Variants in ITIH2 observed in about 807,000 individuals in gnomAD.
ITIH2 encodes inter-alpha-trypsin inhibitor heavy chain H2.
Under a neutral mutation model 104.4 loss-of-function variants are expected in ITIH2, and 103 were observed. The observed-to-expected ratio is 0.99, with a 90% CI of 0.84 to 1.16. The LOEUF is 1.16. Ranked by LOEUF, ITIH2 falls within the 50% of genes most tolerant of loss-of-function variation. The pLI is 0.00. For synonymous variants in ITIH2, 436 were observed against 435.4 expected (o/e 1.00, Z -0.02); for missense variants, 1,108 against 1,162.4 (o/e 0.95, Z 0.68).
At chr10:7,703,670 G>A in intron 1 of ITIH2, 152 bp downstream of exon 1, 1 of 603,816 alleles carries the variant, frequency 1.7e-6, no homozygotes, top group Non-Finnish European at 3.0e-6. Context: ...TATAATTACT[G>A]GAATGTATAT....
intron 15 of ITIH2, 45 bp downstream of exon 15, chr10:7,735,136 G>T: frequency 6.5e-7 from 1 of 1,546,582 alleles, no homozygotes; most frequent in Non-Finnish European, 8.7e-7. Flanking sequence ...CAGCTCTCTT[G>T]CCCCGGGGGT....
At chr10:7,740,351 T>C (rs762076906) in intron 16 of ITIH2, among the ~76,000 whole-genome samples, 10 of 152,178 alleles carry the variant, frequency 6.6e-5, no homozygotes, top group South Asian at 6.2e-4. Context: ...CCCAGCTCCA[T>C]AGGGAGTCCC....
intron 8 of ITIH2, among the ~76,000 whole-genome samples, chr10:7,722,958 A>AGTGGAGTGGAGTGGAGTGAAGTGGC (rs753984745): frequency 5.1e-5 from 7 of 136,370 alleles, no homozygotes; most frequent in African/African-American, 1.8e-4. Flanking sequence ...AGTGATGTGG[A>AGTGGAGTGGAGTGGAGTGAAGTGGC]GTGGAGTGGA....
Position 7,710,833 on chromosome 10 carries a change from T to C in ITIH2, c.362+1642T>C, listed in dbSNP as rs533823782. ...TATTATATGACCCCATGTCTAGAAA[T>C]GACATTGAAAACTATTTTAATAAAT... is the stretch of plus-strand genomic sequence containing the variant. On this transcript the variant is annotated intron_variant, in intron 4 of 20. Transcript: ENST00000358415. Among the ~76,000 whole-genome samples, 41 of 152,240 alleles carry C rather than the reference T, an allele frequency of 2.7e-4. No homozygotes were observed. The South Asian group carries it at 8.5e-3, about 32-fold the overall frequency.
At chr10:7,731,345 T>TA (rs1835001122) in intron 12 of ITIH2, among the ~76,000 whole-genome samples, 1 of 152,252 alleles carries the variant, frequency 6.6e-6, no homozygotes, top group Non-Finnish European at 1.5e-5. Context: ...TCTCTGTTTT[T>TA]AATCTGATAA....
chr10:7,705,478 G>A (rs180991085), intron 2 of ITIH2, among the ~76,000 whole-genome samples: 57 of 152,166 alleles, frequency 3.7e-4, no homozygotes, highest in Admixed American at 3.7e-3. Context: ...GGCCAAGGAG[G>A]GAGGATCACT....
intron 19 of ITIH2, among the ~76,000 whole-genome samples, chr10:7,746,236 G>A (rs964079003): frequency 4.0e-5 from 6 of 151,316 alleles, no homozygotes; most frequent in Admixed American, 6.6e-5. Context: ...TTAGCCAGGC[G>A]TAGTGGCTCA....
rs143285045 is a variant in ITIH2, at chr10:7,741,468, G to A, written c.2096-1678G>A. Among the ~76,000 whole-genome samples the A allele has an allele frequency of 3.9e-3, 601 of 152,228 alleles. 7 individuals carry two copies. Among genetic ancestry groups the A allele is most frequent in the African/African-American group, 0.014 (570 of 41,552 alleles). Reference sequence around the variant, plus strand: ...GCTGGGATTACAGGCGTGAGCCACCGCACCTGGCCTGTTCTGTGTTTTTAC... The same window carrying A: ...GCTGGGATTACAGGCGTGAGCCACCACACCTGGCCTGTTCTGTGTTTTTAC... On this transcript the variant is annotated intron_variant, in intron 16 of 20. Transcript: ENST00000358415.
chr10:7,737,446 T>TAA (rs1554766648), intron 15 of ITIH2, among the ~76,000 whole-genome samples: 7 of 141,674 alleles, frequency 4.9e-5, no homozygotes, highest in African/African-American at 5.2e-5. Context: ...TATATATATA[T>TAA]AACAGATAAC....
intron 3 of ITIH2, among the ~76,000 whole-genome samples, chr10:7,708,740 T>C (rs1200261497): frequency 1.3e-5 from 2 of 152,140 alleles, no homozygotes; most frequent in African/African-American, 2.4e-5. Flanking sequence ...TTTCTACTTG[T>C]ATTCTAATTT....
chr10:7,734,074 A>C (rs1835028747), intron 14 of ITIH2, among the ~76,000 whole-genome samples: 1 of 152,156 alleles, frequency 6.6e-6, no homozygotes, highest in South Asian at 2.1e-4. Context: ...ATACGTGAGT[A>C]GGTGGAGCAC....
Position 7,746,689 on chromosome 10 carries a change from A to C in ITIH2, c.2678A>C (p.Lys893Thr), listed in dbSNP as rs1463440276. The C allele has an allele frequency of 1.9e-6, 3 of 1,611,716 alleles. No individual in the cohort carries two copies. The African/African-American group carries it at 4.0e-5, about 22-fold the overall frequency. ...GCCAGCATGGAAGTGAAGGGGCAGA[A>C]GCTGATCATCACCAGGTAGGCCTCG... ...PEASMEVKGQ[K>T]LIITRGLQKD... The change falls in exon 20 of 21, where the codon AAG becomes ACG. Residue 893 changes from lysine (K) to threonine (T), a missense_variant. By Grantham distance (78) the Lys-to-Thr change is moderately conservative. Transcript: ENST00000358415.
Position 7,746,510 on chromosome 10 carries a change from A to G in ITIH2, c.2582-83A>G, listed in dbSNP as rs938441359. 2.0e-5 allele frequency: 18 copies of G among 893,370 alleles called. No homozygotes were observed. The African/African-American group carries it at 2.8e-4, about 14-fold the overall frequency. The allele number at this position is 893,370 out of a possible 1,614,324, so 55.3% of individuals were successfully genotyped here. On this transcript the variant is annotated intron_variant, in intron 19 of 20. Coordinates refer to ENST00000358415, the MANE Select transcript of ITIH2 (RefSeq NM_002216.3). Reference sequence around the variant, plus strand: ...CCTAGAAATCCTGGAGGGAGGACCGAAAGGTAGCATGGAGTCAATAATGAG... The same window carrying G: ...CCTAGAAATCCTGGAGGGAGGACCGGAAGGTAGCATGGAGTCAATAATGAG...
In ITIH2 at chr10:7,746,693, G is replaced by A; in HGVS notation, c.2682G>A (p.Leu894=). The A allele has an allele frequency of 6.2e-7, 1 of 1,610,328 alleles. No homozygotes were observed. The highest frequency in any genetic ancestry group is 8.5e-7 in the Non-Finnish European group (1 of 1,176,718). Residue 894 remains leucine (L), a synonymous_variant, in exon 20 of 21, where the codon CTG becomes CTA. Coordinates refer to ENST00000358415, the MANE Select transcript of ITIH2 (RefSeq NM_002216.3). ...GCATGGAAGTGAAGGGGCAGAAGCTGATCATCACCAGGTAGGCCTCGGGCG... is the reference window on the plus strand; with the variant it reads ...GCATGGAAGTGAAGGGGCAGAAGCTAATCATCACCAGGTAGGCCTCGGGCG... ...EASMEVKGQK[L]IITRGLQKDY... is the part of the protein sequence containing the mutation.
rs1835039622 is a variant in ITIH2, at chr10:7,735,004, C to G, written c.1870C>G (p.Pro624Ala). ...GTCTCTAGACCACCACATTGTGACTCCGCTGACCTCGCTGGTGATCGAGAA... is the reference window on the plus strand; with the variant it reads ...GTCTCTAGACCACCACATTGTGACTGCGCTGACCTCGCTGGTGATCGAGAA... ...QMSLDHHIVT[P>A]LTSLVIENEA... is the part of the protein sequence containing the mutation. The change falls in exon 15 of 21, where the codon CCG becomes GCG. Residue 624 changes from proline to alanine, a missense_variant. Pro to Ala is a conservative substitution (Grantham distance 27, BLOSUM62 -1). Transcript: ENST00000358415. The G allele has an allele frequency of 2.4e-5, 38 of 1,613,868 alleles. No homozygotes were observed. Among genetic ancestry groups the G allele is most frequent in the Non-Finnish European group, 3.2e-5 (38 of 1,180,024 alleles).
At chr10:7,722,369 G>T (rs1834912564) in intron 8 of ITIH2, among the ~76,000 whole-genome samples, 1 of 152,146 alleles carries the variant, frequency 6.6e-6, no homozygotes, top group Admixed American at 6.5e-5. Flanking sequence ...CAGCCAAAGG[G>T]CAGAGGAAAG....
chr10:7,714,273 G>A (rs929216347), intron 5 of ITIH2, among the ~76,000 whole-genome samples: 1 of 146,076 alleles, frequency 6.8e-6, no homozygotes, highest in East Asian at 2.1e-4. Context: ...CCGGGTTCAC[G>A]CCATTCTCCT....
chr10:7,720,477 T>C lies in ITIH2; in HGVS notation c.631-379T>C, dbSNP rs181404375. Among the ~76,000 whole-genome samples the C allele has an allele frequency of 6.6e-5, 10 of 152,246 alleles. No individual in the cohort carries two copies. The East Asian group carries it at 1.9e-3, about 29-fold the overall frequency. ...ACAACCCAAGATTTGGGGAAAATGG[T>C]CTACTTTTGACAGGTCTACAGAGTA... On this transcript the variant is annotated intron_variant, in intron 6 of 20. Transcript: ENST00000358415.
At chr10:7,745,724 T>A (rs112920556) in intron 19 of ITIH2, among the ~76,000 whole-genome samples, 6 of 151,310 alleles carry the variant, frequency 4.0e-5, no homozygotes, top group Non-Finnish European at 7.4e-5. Flanking sequence ...CCAGCCTGGG[T>A]GACAGAGGGA....
Sources: gnomAD v4.1 joint callset for allele counts (sites outside exome capture counted in the v4.1 genomes callset) on GRCh38, gnomAD v4.1.1 for gene constraint, MANE v1.5 for transcripts, NCBI Gene and HGNC (gene_info 2026-07-23, HGNC 2026-07-21) for gene names.